C16orf89: variants seen among roughly 807,000 people sequenced by gnomAD.
The protein encoded by C16orf89 is UPF0764 protein C16orf89.
Under a neutral mutation model 41.5 loss-of-function variants are expected in C16orf89, and 57 were observed. That is an observed-to-expected ratio of 1.38 (90% CI 1.11 to 1.71). C16orf89 has a LOEUF of 1.71. C16orf89 is among the 40% of genes most tolerant of loss of function. C16orf89 has a pLI of 0.00. For synonymous variants in C16orf89, 223 were observed against 190.6 expected, an observed-to-expected ratio of 1.17 and a Z score of -1.40; for missense variants, 575 against 445.9, an observed-to-expected ratio of 1.29 and a Z score of -2.61.
At chr16:5,062,379 C>T in intron 2 of C16orf89, 46 bp downstream of exon 2, 1 of 1,562,112 alleles carries the variant, frequency 6.4e-7, no homozygotes, top group Non-Finnish European at 8.7e-7. Flanking sequence ...TCAATATCCC[C>T]ATAGGCGCTA....
chr16:5,065,112 ATG>A (rs1324060044), intron 1 of C16orf89, among the ~76,000 whole-genome samples: 1 of 151,610 alleles, frequency 6.6e-6, no homozygotes, highest in Non-Finnish European at 1.5e-5. Context: ...TGTGATGTGC[ATG>A]TGTGTGTGCG....
chr16:5,054,200 C>G (rs1181757132), intron 6 of C16orf89, among the ~76,000 whole-genome samples: 2 of 152,222 alleles, frequency 1.3e-5, no homozygotes, highest in African/African-American at 4.8e-5. Flanking sequence ...GTACCTGGCA[C>G]AGGCTATGCG....
At chr16:5,058,655 C>G (rs772115443) in intron 3 of C16orf89, 45 bp from the exon 4 acceptor site, 1 of 1,488,604 alleles carries the variant, frequency 6.7e-7, no homozygotes, top group African/African-American at 1.4e-5. Context: ...AGCGCTGACT[C>G]TGCCCTGCGT....
intron 1 of C16orf89, 22 bp downstream of exon 1, chr16:5,065,679 A>C (rs2142688230): frequency 6.3e-7 from 1 of 1,599,522 alleles, no homozygotes. Context: ...GTGTCCAGCC[A>C]GAGGAATTGG....
Position 5,060,452 on chromosome 16 carries a change from G to C in C16orf89, c.359-16C>G. ...AGCTGGAACTCTGGCAGAGAGGACA[G>C]ATAGATGGGGTGGGGTGTGGGGGTG... On this transcript the variant is annotated splice_polypyrimidine_tract_variant and intron_variant, in intron 2 of 7. Coordinates refer to ENST00000472572, the MANE Select transcript of C16orf89 (RefSeq NM_001098514.3). The C allele has an allele frequency of 1.9e-6, 3 of 1,607,504 alleles. No homozygotes were observed. Among genetic ancestry groups the C allele is most frequent in the Non-Finnish European group, 2.6e-6 (3 of 1,176,404 alleles).
chr16:5,052,842 G>C (rs1030820627), intron 6 of C16orf89, among the ~76,000 whole-genome samples: 2 of 152,170 alleles, frequency 1.3e-5, no homozygotes, highest in African/African-American at 4.8e-5. Flanking sequence ...GTTTATTGCA[G>C]CGCTATTCAC....
intron 3 of C16orf89, 56 bp from the exon 4 acceptor site, chr16:5,058,666 CT>C: frequency 7.2e-7 from 1 of 1,398,318 alleles, no homozygotes; most frequent in Non-Finnish European, 9.9e-7. Context: ...TGCCCTGCGT[CT>C]TCCCAGCCCC....
intron 5 of C16orf89, 135 bp from the exon 6 acceptor site, chr16:5,055,485 A>T (rs741165): frequency 5.2e-6 from 5 of 958,942 alleles, no homozygotes; most frequent in Middle Eastern, 3.2e-4. Flanking sequence ...AATGCAGAGG[A>T]GGGAAGGAGG....
rs572259627 is a variant in C16orf89 at position 5,044,737 on chromosome 16, G to C, written c.956-259C>G. The stretch of plus-strand genomic sequence containing the variant: ...CACGCTCCTGTAGTCCCAGCTACTC[G>C]GGAGGATGAGGCAAGAGAATTGCTT... On this transcript the variant is annotated intron_variant, in intron 7 of 7. Transcript: ENST00000472572. The C allele has an allele frequency of 4.1e-5, 42 of 1,015,270 alleles. No homozygotes were observed. The South Asian group carries it at 5.5e-4, about 13-fold the overall frequency. The allele number at this position is 1,015,270 out of a possible 1,614,324, so 62.9% of individuals were successfully genotyped here. A position where few individuals can be genotyped will look rare whatever the true frequency, so the allele number is the denominator to read the frequency against.
At chr16:5,045,084 C>T (rs554845198) in intron 7 of C16orf89, among the ~76,000 whole-genome samples, 1 of 152,342 alleles carries the variant, frequency 6.6e-6, no homozygotes, top group South Asian at 2.1e-4. Flanking sequence ...AAGGCATTCC[C>T]CTCCCACCCC....
chr16:5,055,564 G>T, intron 5 of C16orf89: 5 of 1,149,810 alleles, frequency 4.3e-6, no homozygotes, highest in South Asian at 3.1e-5. Context: ...TGAGGGCCTT[G>T]GTCAGGGCTG....
Position 5,045,735 on chromosome 16 carries a change from C to T in C16orf89, c.956-1257G>A, listed in dbSNP as rs139531981. Among the ~76,000 whole-genome samples, 11 of 152,246 alleles carry T rather than the reference C, an allele frequency of 7.2e-5. No individual in the cohort carries two copies. In the East Asian group the frequency reaches 1.5e-3, roughly 21 times the overall value. On this transcript the variant is annotated intron_variant, in intron 7 of 7. Coordinates refer to ENST00000472572, the MANE Select transcript of C16orf89 (RefSeq NM_001098514.3). ...AGGCTCAGTGAGGTTGTGTGACTTTCGCAGCAAGTTAGAGGCAGAAGCGGG... is the reference window on the plus strand; with the variant it reads ...AGGCTCAGTGAGGTTGTGTGACTTTTGCAGCAAGTTAGAGGCAGAAGCGGG...
At chr16:5,050,244 T>G (rs1418575685) in intron 6 of C16orf89, among the ~76,000 whole-genome samples, 1 of 152,106 alleles carries the variant, frequency 6.6e-6, no homozygotes, top group Non-Finnish European at 1.5e-5. Context: ...GGCGGGCGCC[T>G]GTAATTCCAG....
Position 5,052,001 on chromosome 16 carries a change from G to A in C16orf89, c.868+3245C>T, listed in dbSNP as rs183626583. On this transcript the variant is annotated intron_variant, in intron 6 of 7. Coordinates refer to ENST00000472572, the MANE Select transcript of C16orf89 (RefSeq NM_001098514.3). ...GGCTGTAATCCCAGCTACTCGGGAG[G>A]CTGAGGCAGGAGAATCGCTTGAACC... Among the ~76,000 whole-genome samples the A allele has an allele frequency of 1.6e-3, 241 of 151,436 alleles. 1 individual carries two copies. Among genetic ancestry groups the A allele is most frequent in the Middle Eastern group, 6.8e-3 (2 of 292 alleles).
chr16:5,051,939 A>C lies in C16orf89; in HGVS notation c.868+3307T>G, dbSNP rs190459683. On this transcript the variant is annotated intron_variant, in intron 6 of 7. Coordinates refer to ENST00000472572, the MANE Select transcript of C16orf89 (RefSeq NM_001098514.3). The stretch of plus-strand genomic sequence containing the variant: ...ACATGTAGAAACCCTGTCTCTACTG[A>C]AAATACAAATATTAGCCGGGCATGA... Among the ~76,000 whole-genome samples the C allele has an allele frequency of 1.6e-3, 249 of 152,146 alleles. 2 individuals are homozygous for C. The highest frequency in any genetic ancestry group is 4.2e-3 in the African/African-American group (175 of 41,506).
At chr16:5,047,743 A>G (rs1956325076) in intron 7 of C16orf89, 135 bp downstream of exon 7, 1 of 669,848 alleles carries the variant, frequency 1.5e-6, no homozygotes, top group Admixed American at 2.6e-5. Context: ...ACCTCTCAAC[A>G]TGAAGGCCCT....
chr16:5,059,701 C>G (rs778633618), intron 3 of C16orf89, among the ~76,000 whole-genome samples: 1 of 152,138 alleles, frequency 6.6e-6, no homozygotes, highest in African/African-American at 2.4e-5. Flanking sequence ...CAGCTAGGCT[C>G]AGTCCTGTCT....
chr16:5,056,593 C>G (rs533821732), intron 4 of C16orf89, among the ~76,000 whole-genome samples: 1 of 152,176 alleles, frequency 6.6e-6, no homozygotes, highest in South Asian at 2.1e-4. Context: ...CAATGTACAA[C>G]GAGCCTGAAC....
chr16:5,047,815 G>T (rs1266548830), intron 7 of C16orf89, 63 bp downstream of exon 7: 3 of 927,376 alleles, frequency 3.2e-6, no homozygotes, highest in Non-Finnish European at 5.3e-6. Context: ...ATAAACACAG[G>T]CCTCTGTTTT....
Sources: allele counts gnomAD v4.1 joint callset (sites outside exome capture counted in the v4.1 genomes callset), GRCh38; gene constraint gnomAD v4.1.1; transcripts MANE v1.5; gene names NCBI Gene and HGNC (gene_info 2026-07-23, HGNC 2026-07-21).